The following ANKS1B variants were observed in gnomAD, a reference collection of about 807,000 sequenced individuals.
The protein encoded by ANKS1B is ankyrin repeat and sterile alpha motif domain-containing protein 1B.
Under a neutral mutation model 148.3 loss-of-function variants are expected in ANKS1B, and 36 were observed. The ratio of observed to expected loss-of-function variants is 0.24; its 90% CI spans 0.19 to 0.32. The LOEUF (loss-of-function observed/expected upper bound fraction) is 0.32, where lower values mean the gene tolerates loss of function less well. ANKS1B is among the 10% of genes least tolerant of loss of function. The pLI is 1.00. For missense variants in ANKS1B, 1,157 were observed against 1,542.6 expected (o/e 0.75, Z 4.19); for synonymous variants, 542 against 560.8 (o/e 0.97, Z 0.47).
intron 1 of ANKS1B, among the ~76,000 whole-genome samples, chr12:99,916,980 T>C (rs1199436298): frequency 6.6e-6 from 1 of 152,250 alleles, no homozygotes; most frequent in Non-Finnish European, 1.5e-5. Flanking sequence ...ATCACTCATG[T>C]TGAACTGAAA....
At chr12:99,783,781 G>C (rs1246661043) in intron 4 of ANKS1B, among the ~76,000 whole-genome samples, 1 of 152,026 alleles carries the variant, frequency 6.6e-6, no homozygotes, top group African/African-American at 2.4e-5. Context: ...CGAAATTACA[G>C]CTATATAGGA....
Position 99,488,640 on chromosome 12 carries a change from A to G in ANKS1B, c.1438+15836T>C, listed in dbSNP as rs1205675574. Among the ~76,000 whole-genome samples, 7 of 152,154 alleles carry G rather than the reference A, an allele frequency of 4.6e-5. No individual in the cohort carries two copies. In the East Asian group the frequency reaches 1.3e-3, roughly 29 times the overall value. ...AGACTTTCTGGCCCTAGCTCCAGTGAAGCTCTTTTAGACTCCATTACCATT... is the reference window on the plus strand; with the variant it reads ...AGACTTTCTGGCCCTAGCTCCAGTGGAGCTCTTTTAGACTCCATTACCATT... On this transcript the variant is annotated intron_variant, in intron 10 of 26. Transcript: ENST00000683438.
intron 17 of ANKS1B, among the ~76,000 whole-genome samples, chr12:99,025,137 T>C (rs1453166986): frequency 6.6e-6 from 1 of 152,210 alleles, no homozygotes; most frequent in Non-Finnish European, 1.5e-5. Context: ...GTGTCCCCTG[T>C]GCTGCACCTG....
chr12:99,269,537 A>C (rs919289088), intron 12 of ANKS1B, among the ~76,000 whole-genome samples: 24 of 151,690 alleles, frequency 1.6e-4, no homozygotes, highest in African/African-American at 5.3e-4. Context: ...GTTTTCATGT[A>C]AATTCACCAA....
At chr12:98,782,750 C>T (rs185469736) in intron 22 of ANKS1B, among the ~76,000 whole-genome samples, 115 of 152,290 alleles carry the variant, frequency 7.6e-4, no homozygotes, top group African/African-American at 2.6e-3. Flanking sequence ...TTGTTGTATA[C>T]AGGATGTGAA....
chr12:99,770,648 CCCAAAAT>C (rs2063107809), intron 8 of ANKS1B, among the ~76,000 whole-genome samples: 1 of 151,982 alleles, frequency 6.6e-6, no homozygotes, highest in Admixed American at 6.5e-5. Context: ...CTTTTATCTG[CCCAAAAT>C]CCTTTAGATT....
At chr12:99,212,689 T>C (rs2153917521) in intron 14 of ANKS1B, among the ~76,000 whole-genome samples, 1 of 152,348 alleles carries the variant, frequency 6.6e-6, no homozygotes, top group African/African-American at 2.4e-5. Context: ...CTTATCATTT[T>C]TGAGGGTCAA....
chr12:99,778,211 A>C (rs2063879659), intron 6 of ANKS1B, among the ~76,000 whole-genome samples: 1 of 151,500 alleles, frequency 6.6e-6, no homozygotes, highest in East Asian at 2.0e-4. Context: ...AAAAGAAAAA[A>C]AAAGTTCAGT....
chr12:99,673,818 T>C (rs1038775064), intron 8 of ANKS1B, among the ~76,000 whole-genome samples: 86 of 151,812 alleles, frequency 5.7e-4, no homozygotes, highest in African/African-American at 2.0e-3. Flanking sequence ...AATATAATTA[T>C]AGAATATGGT....
At chr12:99,293,537 A>G (rs1488629961) in intron 12 of ANKS1B, among the ~76,000 whole-genome samples, 3 of 152,322 alleles carry the variant, frequency 2.0e-5, no homozygotes, top group African/African-American at 7.2e-5. Context: ...AAAATGGATT[A>G]AAGACTTAAA....
intron 14 of ANKS1B, among the ~76,000 whole-genome samples, chr12:99,211,023 T>G (rs1186446360): frequency 6.6e-6 from 1 of 152,154 alleles, no homozygotes; most frequent in African/African-American, 2.4e-5. Context: ...AAAACCACAA[T>G]TATTTTGCAC....
intron 1 of ANKS1B, among the ~76,000 whole-genome samples, chr12:99,981,215 T>C (rs1161579600): frequency 6.6e-6 from 1 of 152,098 alleles, no homozygotes; most frequent in South Asian, 2.1e-4. Flanking sequence ...CTTATAATGA[T>C]CTTATATGAT....
At chr12:99,933,241 T>A (rs1249093983) in intron 1 of ANKS1B, among the ~76,000 whole-genome samples, 1 of 152,126 alleles carries the variant, frequency 6.6e-6, no homozygotes, top group Non-Finnish European at 1.5e-5. Flanking sequence ...TTTGTCTATT[T>A]TGGGTCCTTT....
intron 8 of ANKS1B, among the ~76,000 whole-genome samples, chr12:99,771,768 C>T (rs2063218026): frequency 6.6e-6 from 1 of 151,672 alleles, no homozygotes; most frequent in South Asian, 2.1e-4. Context: ...GAGTGAAGCA[C>T]AAAAACAAAA....
At chr12:99,439,891 A>C (rs994655971) in intron 11 of ANKS1B, among the ~76,000 whole-genome samples, 8 of 151,846 alleles carry the variant, frequency 5.3e-5, no homozygotes, top group African/African-American at 1.9e-4. Flanking sequence ...CAACGCAAGG[A>C]TCAATCAACA....
At chr12:98,833,793 T>C (rs956810499) in intron 17 of ANKS1B, among the ~76,000 whole-genome samples, 1 of 152,182 alleles carries the variant, frequency 6.6e-6, no homozygotes, top group African/African-American at 2.4e-5. Context: ...GCCATCGTTA[T>C]GCCCATGAGT....
intron 12 of ANKS1B, among the ~76,000 whole-genome samples, chr12:99,393,781 C>T (rs962031056): frequency 6.6e-6 from 1 of 152,158 alleles, no homozygotes; most frequent in Non-Finnish European, 1.5e-5. Flanking sequence ...AATCTCCAGT[C>T]CTAAGATCTT....
At chr12:98,825,210 A>G (rs1418525227) in intron 19 of ANKS1B, among the ~76,000 whole-genome samples, 1 of 152,164 alleles carries the variant, frequency 6.6e-6, no homozygotes, top group Non-Finnish European at 1.5e-5. Context: ...ACCTGGTCAC[A>G]GCAGTGCTTC....
At chr12:99,406,798 A>G (rs758806400) in intron 11 of ANKS1B, among the ~76,000 whole-genome samples, 1 of 146,062 alleles carries the variant, frequency 6.8e-6, no homozygotes, top group Non-Finnish European at 1.5e-5. Context: ...ATAAGCCTCA[A>G]GTAAATAAAA....
Sources: gnomAD v4.1 joint callset for allele counts (sites outside exome capture counted in the v4.1 genomes callset) on GRCh38, gnomAD v4.1.1 for gene constraint, MANE v1.5 for transcripts, NCBI Gene and HGNC (gene_info 2026-07-23, HGNC 2026-07-21) for gene names.